The following LRRC4C variants were observed in gnomAD, a reference collection of about 807,000 sequenced individuals.
LRRC4C encodes leucine rich repeat containing 4C, also known as leucine-rich repeat-containing protein 4C.
In LRRC4C, 5 loss-of-function variants were observed where a neutral mutation model predicts 33.6. That is an observed-to-expected ratio of 0.15 (90% CI 0.08 to 0.31). The LOEUF (loss-of-function observed/expected upper bound fraction) is 0.31, where lower values mean the gene tolerates loss of function less well. LRRC4C is among the 10% of genes least tolerant of loss of function. LRRC4C has a pLI of 1.00. For missense variants in LRRC4C, 560 were observed against 796.7 expected (o/e 0.70, Z 3.58); for synonymous variants, 329 against 302.0 (o/e 1.09, Z -0.93).
At chr11:41,058,696 C>T (rs544416361) in intron 1 of LRRC4C, among the ~76,000 whole-genome samples, 1 of 152,298 alleles carries the variant, frequency 6.6e-6, no homozygotes, top group Non-Finnish European at 1.5e-5. Context: ...AACCCAGCAA[C>T]CTGTTATTGA....
intron 2 of LRRC4C, among the ~76,000 whole-genome samples, chr11:40,697,392 T>C (rs1485252994): frequency 6.6e-6 from 1 of 152,172 alleles, no homozygotes; most frequent in Non-Finnish European, 1.5e-5. Context: ...AAAAATTATG[T>C]AGATGCTAGT....
intron 3 of LRRC4C, among the ~76,000 whole-genome samples, chr11:40,646,279 A>C (rs995288213): frequency 1.3e-5 from 2 of 152,238 alleles, no homozygotes; most frequent in Non-Finnish European, 2.9e-5. Flanking sequence ...GAAACAAAAA[A>C]GAACAGAAAT....
intron 2 of LRRC4C, among the ~76,000 whole-genome samples, chr11:40,723,326 CAAAA>C: frequency 7.1e-6 from 1 of 141,418 alleles, no homozygotes; most frequent in South Asian, 2.2e-4. Flanking sequence ...AAGATTAATG[CAAAA>C]AAAAAAAATT....
intron 2 of LRRC4C, among the ~76,000 whole-genome samples, chr11:40,745,779 T>C (rs900339771): frequency 6.6e-6 from 1 of 152,228 alleles, no homozygotes; most frequent in Non-Finnish European, 1.5e-5. Context: ...TGTGTGAAAC[T>C]GACTCACTCT....
intron 1 of LRRC4C, among the ~76,000 whole-genome samples, chr11:41,416,579 T>C (rs550368062): frequency 6.6e-6 from 1 of 152,130 alleles, no homozygotes; most frequent in East Asian, 1.9e-4. Context: ...ACGGACACTT[T>C]ACTATGTTTT....
At chr11:40,620,079 T>C (rs1021976587) in intron 3 of LRRC4C, among the ~76,000 whole-genome samples, 12 of 137,688 alleles carry the variant, frequency 8.7e-5, no homozygotes, top group African/African-American at 3.1e-4. Context: ...AAAAAAAGAA[T>C]GAGCCGAGCT....
chr11:40,799,421 G>A (rs557902487), intron 2 of LRRC4C, among the ~76,000 whole-genome samples: 8 of 152,186 alleles, frequency 5.3e-5, no homozygotes, highest in African/African-American at 1.9e-4. Context: ...AAAACAACAT[G>A]GTAGAGTTAA....
intron 3 of LRRC4C, among the ~76,000 whole-genome samples, chr11:40,430,404 G>A (rs185102988): frequency 4.3e-4 from 65 of 152,220 alleles, no homozygotes; most frequent in African/African-American, 1.5e-3. Context: ...AAGCAGTGTA[G>A]TTTGAAGCAC....
chr11:41,173,666 C>A (rs1274036018), intron 1 of LRRC4C, among the ~76,000 whole-genome samples: 2 of 152,182 alleles, frequency 1.3e-5, no homozygotes, highest in Non-Finnish European at 2.9e-5. Context: ...ATGTCTCTCT[C>A]CATTGACACC....
At chr11:40,425,653 A>G (rs1950683802) in intron 3 of LRRC4C, among the ~76,000 whole-genome samples, 2 of 152,226 alleles carry the variant, frequency 1.3e-5, no homozygotes, top group South Asian at 2.1e-4. Context: ...GGAGGAGCAA[A>G]TGAAAATAGT....
chr11:40,801,607 G>A (rs1951045507), intron 2 of LRRC4C, among the ~76,000 whole-genome samples: 1 of 152,124 alleles, frequency 6.6e-6, no homozygotes, highest in Admixed American at 6.5e-5. Context: ...ATAGAGAAAT[G>A]TATAATCTTC....
At chr11:40,645,666 C>T (rs10837454) in intron 3 of LRRC4C, among the ~76,000 whole-genome samples, 9,197 of 152,234 alleles carry the variant, frequency 0.06, 939 homozygotes, top group African/African-American at 0.21. Flanking sequence ...ACCCCATCCT[C>T]AGAAATGTGA....
chr11:40,709,270 C>G (rs753585831), intron 2 of LRRC4C, among the ~76,000 whole-genome samples: 2 of 152,048 alleles, frequency 1.3e-5, no homozygotes, highest in Non-Finnish European at 2.9e-5. Flanking sequence ...GTTATTTTGC[C>G]TGTTAGTTGA....
chr11:40,371,376 G>T (rs74860821), intron 3 of LRRC4C, among the ~76,000 whole-genome samples: 11,318 of 152,134 alleles, frequency 0.074, 1,353 homozygotes, highest in African/African-American at 0.25. Flanking sequence ...TTTTTGACAA[G>T]TCTATTGGGA....
chr11:40,443,626 A>G (rs968806529), intron 3 of LRRC4C, among the ~76,000 whole-genome samples: 5 of 152,202 alleles, frequency 3.3e-5, no homozygotes, highest in Non-Finnish European at 7.3e-5. Context: ...TTTACATAGC[A>G]TATTTTCATC....
At chr11:41,097,629 A>G (rs1479964451) in intron 1 of LRRC4C, among the ~76,000 whole-genome samples, 1 of 152,150 alleles carries the variant, frequency 6.6e-6, no homozygotes, top group Non-Finnish European at 1.5e-5. Flanking sequence ...TTATTCATCT[A>G]CCCTATTGTA....
chr11:40,456,647 CT>C (rs1952145388), intron 3 of LRRC4C, among the ~76,000 whole-genome samples: 1 of 151,952 alleles, frequency 6.6e-6, no homozygotes, highest in African/African-American at 2.4e-5. Flanking sequence ...AAAATTCCGT[CT>C]TTAGATTGAA....
In LRRC4C at chr11:40,114,867, C is replaced by T. The variant is rs1855303976; in HGVS notation, c.1426G>A (p.Val476Met). The T allele has an allele frequency of 6.2e-7, 1 of 1,614,042 alleles. No homozygotes were observed. The highest frequency in any genetic ancestry group is 8.5e-7 in the Non-Finnish European group (1 of 1,180,026). Residue 476 changes from valine to methionine, a missense_variant, in exon 7 of 7, where the codon GTG (valine) becomes ATG (methionine). This residue lies in a region of LRRC4C where 455 missense variants were observed against 643.8 expected (regional missense o/e 0.71). Transcript: ENST00000528697. ...CAGTCGACCACTGGAGTGGGACCCA[C>T]ATTGTTATCTGTGGTCCGTGCCTCA... is the stretch of plus-strand genomic sequence containing the variant. Reference protein sequence around the residue: ...QDEARTTDNNVGPTPVVDWET... With the variant: ...QDEARTTDNNMGPTPVVDWET...
chr11:40,507,697 T>C (rs995601836), intron 3 of LRRC4C, among the ~76,000 whole-genome samples: 3 of 151,846 alleles, frequency 2.0e-5, no homozygotes, highest in South Asian at 2.1e-4. Flanking sequence ...GCAACTATAC[T>C]GGAGAAAAAC....
Sources: gnomAD v4.1 joint callset for allele counts (sites outside exome capture counted in the v4.1 genomes callset) on GRCh38, gnomAD v4.1.1 for gene constraint, gnomAD v4.1.1 regional missense constraint, MANE v1.5 for transcripts, NCBI Gene and HGNC (gene_info 2026-07-23, HGNC 2026-07-21) for gene names.